The following ATOSA variants were observed in gnomAD, a reference collection of about 807,000 sequenced individuals.
ATOSA encodes atos homolog protein A.
At chr15:52,585,104 A>G in the ATOSA span, 1 of 548,988 alleles carries the variant, frequency 1.8e-6, no homozygotes, top group East Asian at 3.1e-5. Context: ...TCAAAAGTTT[A>G]AGAAATAATA....
At chr15:52,706,758 A>G in the ATOSA span, among the ~76,000 whole-genome samples, 1 of 152,244 alleles carries the variant, frequency 6.6e-6, no homozygotes, top group Non-Finnish European at 1.5e-5. Context: ...TGCATGCCAC[A>G]AAATGGATGA....
the ATOSA span, among the ~76,000 whole-genome samples, chr15:52,591,293 C>T: frequency 3.9e-5 from 6 of 152,280 alleles, no homozygotes; most frequent in African/African-American, 1.4e-4. Flanking sequence ...TGCAATGACG[C>T]GATCTCGGCT....
At chr15:52,618,821 A>G in the ATOSA span, among the ~76,000 whole-genome samples, 1 of 152,032 alleles carries the variant, frequency 6.6e-6, no homozygotes. Flanking sequence ...GAGTGCTGGG[A>G]TTACAGGTGT....
At chr15:52,618,241 G>A in the ATOSA span, among the ~76,000 whole-genome samples, 16 of 151,944 alleles carry the variant, frequency 1.1e-4, no homozygotes, top group African/African-American at 3.9e-4. Flanking sequence ...GGGTTTCACC[G>A]TGTTAGCCAG....
the ATOSA span, among the ~76,000 whole-genome samples, chr15:52,697,957 A>ATTTTTTTTTTTTTTTTTTTTTTTTTTT: frequency 8.9e-5 from 4 of 44,778 alleles, no homozygotes; most frequent in African/African-American, 8.5e-5. Context: ...GGGATGTAGA[A>ATTTTTTTTTTTTTTTTTTTTTTTTTTT]TTTTTTTTTT....
chr15:52,703,694 G>A, the ATOSA span, among the ~76,000 whole-genome samples: 1 of 152,060 alleles, frequency 6.6e-6, no homozygotes, highest in African/African-American at 2.4e-5. Flanking sequence ...GCCTGTTAGG[G>A]GGTGGGGGGC....
chr15:52,676,076 A>T, the ATOSA span, among the ~76,000 whole-genome samples: 2 of 152,352 alleles, frequency 1.3e-5, no homozygotes, highest in African/African-American at 4.8e-5. Context: ...GAATAAAAAA[A>T]GATAGGCTGA....
the ATOSA span, chr15:52,611,163 G>A: frequency 6.2e-7 from 1 of 1,613,804 alleles, no homozygotes; most frequent in Middle Eastern, 1.6e-4. Context: ...AGCACCATGA[G>A]AAACACTCAG....
the ATOSA span, among the ~76,000 whole-genome samples, chr15:52,666,438 T>C: frequency 6.6e-6 from 1 of 152,350 alleles, no homozygotes; most frequent in East Asian, 1.9e-4. Context: ...CAACTACTTA[T>C]ATTTACATAG....
At chr15:52,609,497 G>T in the ATOSA span, 1 of 1,613,814 alleles carries the variant, frequency 6.2e-7, no homozygotes. Flanking sequence ...CCTATCAAAG[G>T]ATTAGTCTCT....
chr15:52,629,113 A>AT, the ATOSA span, among the ~76,000 whole-genome samples: 2 of 152,256 alleles, frequency 1.3e-5, no homozygotes, highest in African/African-American at 2.4e-5. Flanking sequence ...AAACATAGTC[A>AT]TTTTTTGTGG....
the ATOSA span, among the ~76,000 whole-genome samples, chr15:52,626,976 T>C: frequency 1.3e-5 from 2 of 152,244 alleles, no homozygotes; most frequent in African/African-American, 2.4e-5. Context: ...AGTTTTCCTA[T>C]GAATTCTAAC....
the ATOSA span, among the ~76,000 whole-genome samples, chr15:52,685,101 A>C: frequency 6.6e-6 from 1 of 152,262 alleles, no homozygotes; most frequent in African/African-American, 2.4e-5. Flanking sequence ...TGTAGCTTAC[A>C]TAATATTTCT....
chr15:52,595,587 C>T, the ATOSA span, among the ~76,000 whole-genome samples: 2 of 150,966 alleles, frequency 1.3e-5, no homozygotes, highest in East Asian at 3.9e-4. Flanking sequence ...AAAACTATCC[C>T]TATTTATAGA....
chr15:52,648,090 T>C, the ATOSA span, among the ~76,000 whole-genome samples: 13 of 152,154 alleles, frequency 8.5e-5, no homozygotes, highest in Non-Finnish European at 1.9e-4. Flanking sequence ...ATTCACGTTT[T>C]TAACGTAGAA....
At chr15:52,701,792 T>C in the ATOSA span, among the ~76,000 whole-genome samples, 1 of 152,116 alleles carries the variant, frequency 6.6e-6, no homozygotes, top group Non-Finnish European at 1.5e-5. Flanking sequence ...GGGGAAAATA[T>C]CTGTAACATT....
the ATOSA span, chr15:52,629,524 C>T: frequency 9.7e-5 from 20 of 205,388 alleles, no homozygotes; most frequent in Middle Eastern, 2.1e-3. Context: ...AAAAAAAAGG[C>T]CAGGCATCGT....
the ATOSA span, among the ~76,000 whole-genome samples, chr15:52,708,988 TA>T: frequency 6.6e-6 from 1 of 151,962 alleles, no homozygotes; most frequent in South Asian, 2.1e-4. Flanking sequence ...CTGGCTGATG[TA>T]GAGGTGAATG....
the ATOSA span, among the ~76,000 whole-genome samples, chr15:52,706,531 G>C: frequency 3.9e-5 from 6 of 152,276 alleles, no homozygotes; most frequent in Admixed American, 2.6e-4. Flanking sequence ...CATCAGACAG[G>C]CTGTCTTATA....
Sources: gnomAD v4.1 joint callset for allele counts (sites outside exome capture counted in the v4.1 genomes callset) on GRCh38, gnomAD v4.1.1 for gene constraint, MANE v1.5 for transcripts, NCBI Gene and HGNC (gene_info 2026-07-23, HGNC 2026-07-21) for gene names.